The following METAP1D variants were observed in gnomAD, a reference collection of about 807,000 sequenced individuals.
METAP1D encodes the protein methionyl aminopeptidase type 1D, mitochondrial.
A neutral mutation model predicts 40.5 loss-of-function variants in METAP1D; 31 were observed. That is an observed-to-expected ratio of 0.77 (90% CI 0.58 to 1.03). The LOEUF (loss-of-function observed/expected upper bound fraction) is 1.03, where lower values mean the gene tolerates loss of function less well. Among genes scored for constraint, METAP1D ranks in the 50% least tolerant of loss-of-function variants. The probability of loss-of-function intolerance (pLI) is 0.00; values close to 1 mark genes in which losing one functional copy is unlikely to be tolerated. For synonymous variants in METAP1D, 151 were observed against 146.4 expected (o/e 1.03, Z -0.22); for missense variants, 411 against 420.7 (o/e 0.98, Z 0.20).
At chr2:172,035,023 G>T (rs1689338424) in intron 1 of METAP1D, among the ~76,000 whole-genome samples, 2 of 147,204 alleles carry the variant, frequency 1.4e-5, no homozygotes, top group African/African-American at 2.5e-5. Flanking sequence ...TCTAATTCTG[G>T]CCTCATTTCT....
At chr2:172,008,468 C>T (rs938673823) in intron 1 of METAP1D, among the ~76,000 whole-genome samples, 5 of 152,122 alleles carry the variant, frequency 3.3e-5, no homozygotes, top group Non-Finnish European at 5.9e-5. Flanking sequence ...ATACCATAGT[C>T]CCCCGCTTAT....
At chr2:172,028,542 CTGTGTGTGTG>C (rs10529698) in intron 1 of METAP1D, among the ~76,000 whole-genome samples, 8,340 of 141,310 alleles carry the variant, frequency 0.059, 271 homozygotes, top group African/African-American at 0.083. Flanking sequence ...GTATGTGTGT[CTGTGTGTGTG>C]TGTGTGTGTG....
intron 1 of METAP1D, among the ~76,000 whole-genome samples, chr2:172,002,513 T>C (rs1421462963): frequency 6.6e-6 from 1 of 152,170 alleles, no homozygotes; most frequent in Non-Finnish European, 1.5e-5. Context: ...GCCAAGTTAT[T>C]GGTTCCTATA....
intron 1 of METAP1D, among the ~76,000 whole-genome samples, chr2:172,039,510 C>G (rs536242621): frequency 6.6e-5 from 10 of 152,090 alleles, no homozygotes; most frequent in Admixed American, 6.5e-4. Context: ...TAACGGCTTT[C>G]TTTGTATTTT....
chr2:172,079,781 AT>A (rs1031701789), intron 8 of METAP1D, among the ~76,000 whole-genome samples: 1 of 151,962 alleles, frequency 6.6e-6, no homozygotes, highest in African/African-American at 2.4e-5. Context: ...AAATTTAAAT[AT>A]TTTTTTAAAA....
At chr2:172,011,569 C>T (rs556568316) in intron 1 of METAP1D, among the ~76,000 whole-genome samples, 118 of 152,340 alleles carry the variant, frequency 7.7e-4, no homozygotes, top group Non-Finnish European at 1.4e-3. Context: ...CAGGCGTGAG[C>T]CACCGCGCCC....
At chr2:172,051,093 T>G (rs1689875574) in intron 1 of METAP1D, among the ~76,000 whole-genome samples, 1 of 152,108 alleles carries the variant, frequency 6.6e-6, no homozygotes, top group Admixed American at 6.6e-5. Context: ...GAAGTAAACT[T>G]TTTTTGTCTC....
intron 1 of METAP1D, among the ~76,000 whole-genome samples, chr2:172,043,161 C>G (rs1689660620): frequency 7.8e-6 from 1 of 128,190 alleles, no homozygotes; most frequent in Non-Finnish European, 1.8e-5. Flanking sequence ...AGGCTGGTCT[C>G]AAACTCCTGA....
chr2:172,066,725 T>A (rs1045053406), intron 5 of METAP1D, among the ~76,000 whole-genome samples: 1 of 152,236 alleles, frequency 6.6e-6, no homozygotes, highest in African/African-American at 2.4e-5. Flanking sequence ...TTGATCTTCC[T>A]CTTCCTGCTG....
intron 1 of METAP1D, among the ~76,000 whole-genome samples, chr2:172,001,712 G>A (rs1050648499): frequency 2.6e-5 from 4 of 152,066 alleles, no homozygotes; most frequent in East Asian, 1.9e-4. Context: ...GTGATGTAGC[G>A]AGCATTTTGG....
intron 8 of METAP1D, 109 bp downstream of exon 8, chr2:172,079,371 T>G: frequency 1.3e-5 from 13 of 999,626 alleles, no homozygotes; most frequent in Non-Finnish European, 1.6e-5. Context: ...ATCAGTGTAA[T>G]GAAATAATTC....
intron 1 of METAP1D, among the ~76,000 whole-genome samples, chr2:172,021,340 T>G (rs763244856): frequency 2.0e-5 from 3 of 152,210 alleles, no homozygotes; most frequent in Non-Finnish European, 4.4e-5. Flanking sequence ...GGAAAATCAC[T>G]TCTCCATCTT....
At chr2:172,056,127 A>G (rs761261657) in intron 1 of METAP1D, among the ~76,000 whole-genome samples, 1 of 152,160 alleles carries the variant, frequency 6.6e-6, no homozygotes, top group African/African-American at 2.4e-5. Flanking sequence ...AAAAATCTTC[A>G]TGAGTCCTAA....
chr2:172,047,078 C>T (rs1315327153), intron 1 of METAP1D, among the ~76,000 whole-genome samples: 1 of 152,158 alleles, frequency 6.6e-6, no homozygotes, highest in Admixed American at 6.5e-5. Flanking sequence ...ATACAGTTCA[C>T]ACGGCGTGCT....
chr2:172,034,337 A>G (rs925159923), intron 1 of METAP1D, among the ~76,000 whole-genome samples: 28 of 152,200 alleles, frequency 1.8e-4, no homozygotes, highest in African/African-American at 6.7e-4. Flanking sequence ...GCTTAGGTAA[A>G]TCCCAGATTT....
chr2:172,021,918 T>G (rs1689016235), intron 1 of METAP1D: 2 of 152,252 alleles, frequency 1.3e-5, no homozygotes, highest in African/African-American at 4.8e-5. Flanking sequence ...GTGTTAACAT[T>G]AGGAAGAAGA....
intron 1 of METAP1D, among the ~76,000 whole-genome samples, chr2:172,001,954 G>C (rs897953080): frequency 6.6e-5 from 10 of 151,770 alleles, no homozygotes; most frequent in African/African-American, 2.4e-4. Context: ...AAATTAGCCA[G>C]GTGTGGTGGC....
At chr2:172,055,494 T>C (rs1363251656) in intron 1 of METAP1D, among the ~76,000 whole-genome samples, 2 of 152,218 alleles carry the variant, frequency 1.3e-5, no homozygotes, top group East Asian at 1.9e-4. Flanking sequence ...CTTATTTGTA[T>C]TGTGATAAAC....
At chr2:172,066,686 G>A (rs1690290432) in intron 5 of METAP1D, among the ~76,000 whole-genome samples, 1 of 152,300 alleles carries the variant, frequency 6.6e-6, no homozygotes, top group Middle Eastern at 3.4e-3. Flanking sequence ...CACGAAGAAA[G>A]CCAGCATTTT....
Sources: allele counts gnomAD v4.1 joint callset (sites outside exome capture counted in the v4.1 genomes callset), GRCh38; gene constraint gnomAD v4.1.1; transcripts MANE v1.5; gene names NCBI Gene and HGNC (gene_info 2026-07-23, HGNC 2026-07-21).